The following ZBTB7C variants were observed in gnomAD, a reference collection of about 807,000 sequenced individuals.
The protein encoded by ZBTB7C is zinc finger and BTB domain-containing protein 7C.
Under a neutral mutation model 25.7 loss-of-function variants are expected in ZBTB7C, and 8 were observed. The observed-to-expected ratio is 0.31, with a 90% CI of 0.18 to 0.56. The LOEUF is 0.56. Ranked by LOEUF, ZBTB7C falls within the 20% of genes least tolerant of loss-of-function variation. ZBTB7C has a pLI of 0.91. For missense variants in ZBTB7C, 824 were observed against 855.2 expected (o/e 0.96, Z 0.46); for synonymous variants, 394 against 369.0 (o/e 1.07, Z -0.78).
rs530029750 is a variant in ZBTB7C at position 48,120,285 on chromosome 18, G to T, written c.-17+65649C>A. 2.2e-4 allele frequency among the ~76,000 whole-genome samples: 33 copies of T among 152,272 alleles called. No individual in the cohort carries two copies. In the South Asian group the frequency reaches 6.0e-3, roughly 28 times the overall value. On this transcript the variant is annotated intron_variant, in intron 3 of 4. Coordinates refer to ENST00000590800, the MANE Select transcript of ZBTB7C (RefSeq NM_001318841.2). ...AGCAGGGTGACAGGAGATGAGGTGG[G>T]AGCTGAGGGCACTGGACCTCAGAGG...
intron 1 of ZBTB7C, among the ~76,000 whole-genome samples, chr18:48,398,614 C>T (rs2048083993): frequency 6.6e-6 from 1 of 152,172 alleles, no homozygotes. Flanking sequence ...CTTTCCCCAG[C>T]ATGAAGCTGC....
intron 3 of ZBTB7C, chr18:48,083,927 T>A (rs1456624964): frequency 1.0e-6 from 1 of 983,576 alleles, no homozygotes; most frequent in Non-Finnish European, 1.2e-6. Context: ...TCCTGTTGGT[T>A]GAAGCAGGCC....
At chr18:48,167,308 G>A (rs1249582555) in intron 3 of ZBTB7C, among the ~76,000 whole-genome samples, 2 of 152,048 alleles carry the variant, frequency 1.3e-5, no homozygotes, top group Admixed American at 6.5e-5. Flanking sequence ...ACCCTTTGGC[G>A]CCAGAACTCA....
At chr18:48,159,723 G>A (rs1250172792) in intron 3 of ZBTB7C, among the ~76,000 whole-genome samples, 1 of 152,220 alleles carries the variant, frequency 6.6e-6, no homozygotes, top group African/African-American at 2.4e-5. Flanking sequence ...ATAGTAGCCT[G>A]AATGACCTGA....
chr18:48,283,537 A>G (rs895960478), intron 2 of ZBTB7C, among the ~76,000 whole-genome samples: 1 of 152,240 alleles, frequency 6.6e-6, no homozygotes, highest in Non-Finnish European at 1.5e-5. Flanking sequence ...GTAGTAATGC[A>G]CATGGCTTAG....
intron 3 of ZBTB7C, among the ~76,000 whole-genome samples, chr18:48,059,722 A>G (rs2037053388): frequency 6.6e-6 from 1 of 152,158 alleles, no homozygotes; most frequent in Non-Finnish European, 1.5e-5. Context: ...AATTCCAAAT[A>G]CATGGTACAC....
chr18:48,259,993 A>G (rs1335933448), intron 2 of ZBTB7C, among the ~76,000 whole-genome samples: 1 of 152,222 alleles, frequency 6.6e-6, no homozygotes, highest in East Asian at 1.9e-4. Context: ...ACACAGTCCA[A>G]TCATTCCCTT....
chr18:48,367,368 ATAT>A (rs200326061), intron 1 of ZBTB7C, among the ~76,000 whole-genome samples: 15,008 of 139,496 alleles, frequency 0.11, 1,035 homozygotes, highest in Non-Finnish European at 0.14. Context: ...ATATATATAT[ATAT>A]AAAATACAAA....
intron 2 of ZBTB7C, among the ~76,000 whole-genome samples, chr18:48,323,795 G>A (rs1319199579): frequency 6.6e-6 from 1 of 152,064 alleles, no homozygotes; most frequent in Non-Finnish European, 1.5e-5. Context: ...TGAAGAGGCA[G>A]ATATTAAACA....
intron 3 of ZBTB7C, among the ~76,000 whole-genome samples, chr18:48,156,980 G>C (rs1340480300): frequency 6.6e-6 from 1 of 152,144 alleles, no homozygotes; most frequent in African/African-American, 2.4e-5. Flanking sequence ...CTTTAGTGTT[G>C]GTGGTGGAAT....
At chr18:48,328,431 C>A (rs183356172) in intron 2 of ZBTB7C, among the ~76,000 whole-genome samples, 148 of 152,184 alleles carry the variant, frequency 9.7e-4, no homozygotes, top group African/African-American at 3.2e-3. Context: ...TTAAATACTT[C>A]TATGTTGTTA....
Position 48,040,388 on chromosome 18 carries a change from GT to G in ZBTB7C, c.719del (p.Asn240ThrfsTer99). ...LLRENLYPKA[N>X]IPDRRPSLSP... ...ACAAGGAGGGTCTCCTGTCGGGGAT[GT>G]TGGCCTTGGGGTACAGGTTCTCCCT... is the stretch of plus-strand genomic sequence containing the variant. On this transcript the variant is annotated frameshift_variant, in exon 4 of 5. Transcript: ENST00000590800. LOFTEE classifies it high-confidence loss of function. The G allele has an allele frequency of 6.2e-7, 1 of 1,612,176 alleles. No individual in the cohort carries two copies. The highest frequency in any genetic ancestry group is 8.5e-7 in the Non-Finnish European group (1 of 1,179,010).
intron 1 of ZBTB7C, chr18:48,375,608 C>G (rs935912989): frequency 1.3e-5 from 2 of 152,208 alleles, no homozygotes; most frequent in Non-Finnish European, 2.9e-5. Flanking sequence ...CACACACACA[C>G]AGCAATTGCA....
chr18:48,147,481 C>T (rs1352266895), intron 3 of ZBTB7C, among the ~76,000 whole-genome samples: 2 of 152,172 alleles, frequency 1.3e-5, no homozygotes, highest in African/African-American at 4.8e-5. Context: ...CAAGACCATG[C>T]AGAGCAAGAG....
At chr18:48,145,562 C>A (rs1334752563) in intron 3 of ZBTB7C, among the ~76,000 whole-genome samples, 1 of 152,212 alleles carries the variant, frequency 6.6e-6, no homozygotes, top group African/African-American at 2.4e-5. Context: ...TCTTATTGAG[C>A]AGGTAACCTT....
At chr18:48,090,726 T>C (rs1304274074) in intron 3 of ZBTB7C, among the ~76,000 whole-genome samples, 1 of 148,402 alleles carries the variant, frequency 6.7e-6, no homozygotes, top group East Asian at 1.9e-4. Context: ...CAGGATGGGA[T>C]CCTGCTCCCC....
chr18:48,275,729 G>C (rs1350193777), intron 2 of ZBTB7C, among the ~76,000 whole-genome samples: 1 of 152,178 alleles, frequency 6.6e-6, no homozygotes, highest in Non-Finnish European at 1.5e-5. Context: ...TCCAGGAAGA[G>C]GGTAAAGGGC....
chr18:48,339,096 G>A (rs943038512), intron 1 of ZBTB7C, among the ~76,000 whole-genome samples: 1 of 152,240 alleles, frequency 6.6e-6, no homozygotes, highest in Non-Finnish European at 1.5e-5. Context: ...GCTGTGTCAG[G>A]AGGGGCCAAA....
At chr18:48,075,421 C>G (rs532494684) in intron 3 of ZBTB7C, among the ~76,000 whole-genome samples, 70 of 152,344 alleles carry the variant, frequency 4.6e-4, no homozygotes, top group African/African-American at 1.6e-3. Context: ...GAAATGGGAA[C>G]AGCCAGCCCA....
Sources: gnomAD v4.1 joint callset for allele counts (sites outside exome capture counted in the v4.1 genomes callset) on GRCh38, gnomAD v4.1.1 for gene constraint, MANE v1.5 for transcripts, NCBI Gene and HGNC (gene_info 2026-07-23, HGNC 2026-07-21) for gene names.